EML4: variants seen among roughly 807,000 people sequenced by gnomAD.
EML4 encodes echinoderm microtubule-associated protein-like 4.
In EML4, 72 loss-of-function variants were observed where a neutral mutation model predicts 129.0. That is an observed-to-expected ratio of 0.56 (90% CI 0.46 to 0.68). The LOEUF is 0.68. Ranked by LOEUF, EML4 falls within the 30% of genes least tolerant of loss-of-function variation. The pLI is 0.00. For synonymous variants in EML4, 532 were observed against 405.0 expected, an observed-to-expected ratio of 1.31 and a Z score of -3.77; for missense variants, 1,363 against 1,190.6, an observed-to-expected ratio of 1.14 and a Z score of -2.13.
intron 19 of EML4, among the ~76,000 whole-genome samples, chr2:42,318,675 T>C (rs759499981): frequency 3.1e-4 from 45 of 144,720 alleles, no homozygotes; most frequent in Non-Finnish European, 6.0e-4. Flanking sequence ...CACTGAAGTT[T>C]ACCCTACCAG....
chr2:42,178,533 C>A (rs1670748789), intron 1 of EML4, among the ~76,000 whole-genome samples: 1 of 152,092 alleles, frequency 6.6e-6, no homozygotes, highest in Non-Finnish European at 1.5e-5. Context: ...GCAGAGCGAG[C>A]AGCGAGACCC....
At chr2:42,214,366 C>T (rs1475823431) in intron 1 of EML4, among the ~76,000 whole-genome samples, 3 of 152,150 alleles carry the variant, frequency 2.0e-5, no homozygotes, top group African/African-American at 7.2e-5. Context: ...ATAGGCTAGG[C>T]AGTTATTCCC....
intron 4 of EML4, 47 bp downstream of exon 4, chr2:42,261,341 A>T (rs1318698874): frequency 1.4e-6 from 2 of 1,458,168 alleles, no homozygotes; most frequent in Non-Finnish European, 9.2e-7. Context: ...TTGTAATGAT[A>T]CCTAAATTCT....
intron 2 of EML4, among the ~76,000 whole-genome samples, chr2:42,251,986 A>G (rs1414277044): frequency 1.3e-5 from 2 of 152,228 alleles, no homozygotes; most frequent in South Asian, 4.1e-4. Flanking sequence ...CAAATCAATA[A>G]ATTGTTTGTA....
chr2:42,264,886 A>T (rs2104399336), intron 6 of EML4, 155 bp downstream of exon 6: 2 of 1,548,084 alleles, frequency 1.3e-6, no homozygotes, highest in Non-Finnish European at 1.7e-6. Flanking sequence ...CCCAGTTTTT[A>T]TTGTAAGGTA....
chr2:42,279,031 T>C (rs1026390706), intron 6 of EML4, among the ~76,000 whole-genome samples: 2 of 152,228 alleles, frequency 1.3e-5, no homozygotes, highest in African/African-American at 4.8e-5. Flanking sequence ...TATTGGTTTA[T>C]GTAAATATAA....
chr2:42,294,894 A>C (rs897528815), intron 11 of EML4, among the ~76,000 whole-genome samples: 1 of 152,296 alleles, frequency 6.6e-6, no homozygotes, highest in South Asian at 2.1e-4. Flanking sequence ...GTGTCTTTCT[A>C]ATGCAGCGTT....
intron 8 of EML4, among the ~76,000 whole-genome samples, chr2:42,284,225 T>C (rs1017288001): frequency 6.6e-6 from 1 of 152,202 alleles, no homozygotes; most frequent in African/African-American, 2.4e-5. Context: ...CAAGTCAGCA[T>C]GTATGAGGAT....
At chr2:42,280,342 A>G (rs190447569) in intron 6 of EML4, among the ~76,000 whole-genome samples, 18 of 152,326 alleles carry the variant, frequency 1.2e-4, no homozygotes, top group African/African-American at 3.1e-4. Context: ...TTTCCCTACA[A>G]TGTTTTAGAC....
intron 19 of EML4, chr2:42,325,130 T>C: frequency 2.0e-6 from 1 of 500,646 alleles, no homozygotes; most frequent in Non-Finnish European, 4.0e-6. Context: ...GGAGTCACTC[T>C]CATGGGGACA....
rs546318099 is a variant in EML4, at chr2:42,286,052, A to G, written c.1012-217A>G. Reference sequence around the variant, plus strand: ...GTGTAATACTTAGAATAGTATGTGTAACATAGTAAATACACAAGTTATTTG... The same window carrying G: ...GTGTAATACTTAGAATAGTATGTGTGACATAGTAAATACACAAGTTATTTG... On this transcript the variant is annotated intron_variant, in intron 9 of 22. Coordinates refer to ENST00000318522, the MANE Select transcript of EML4 (RefSeq NM_019063.5). 45 of 608,226 alleles carry G rather than the reference A, an allele frequency of 7.4e-5. No homozygotes were observed. In the East Asian group the frequency reaches 1.2e-3, roughly 16 times the overall value. The allele number at this position is 608,226 out of a possible 1,614,324, so 37.7% of individuals were successfully genotyped here. A position where few individuals can be genotyped will look rare whatever the true frequency, so the allele number is the denominator to read the frequency against.
At chr2:42,314,126 A>C (rs1405859866) in intron 17 of EML4, among the ~76,000 whole-genome samples, 1 of 152,140 alleles carries the variant, frequency 6.6e-6, no homozygotes, top group Non-Finnish European at 1.5e-5. Context: ...TGGGAGCCTG[A>C]GGCGGGCAGA....
At chr2:42,266,857 T>C (rs886811990) in intron 6 of EML4, among the ~76,000 whole-genome samples, 12 of 152,272 alleles carry the variant, frequency 7.9e-5, no homozygotes, top group African/African-American at 2.2e-4. Context: ...TGAAATAATA[T>C]ATATGAAATA....
At chr2:42,315,012 A>T (rs1188251140) in intron 17 of EML4, among the ~76,000 whole-genome samples, 1 of 152,240 alleles carries the variant, frequency 6.6e-6, no homozygotes, top group Non-Finnish European at 1.5e-5. Context: ...TTCCCTGTGC[A>T]AGTGTTGGAG....
intron 1 of EML4, among the ~76,000 whole-genome samples, chr2:42,178,007 A>G (rs1572831232): frequency 6.6e-6 from 1 of 152,198 alleles, no homozygotes; most frequent in Non-Finnish European, 1.5e-5. Flanking sequence ...GAATAGGTGG[A>G]AAGGTTGACA....
At chr2:42,220,042 T>C (rs1019802791) in intron 1 of EML4, among the ~76,000 whole-genome samples, 2 of 152,082 alleles carry the variant, frequency 1.3e-5, no homozygotes, top group Non-Finnish European at 2.9e-5. Flanking sequence ...TGAAGATTTA[T>C]TTTGTTGCTG....
intron 1 of EML4, among the ~76,000 whole-genome samples, chr2:42,208,843 T>C (rs1344521348): frequency 6.6e-6 from 1 of 151,874 alleles, no homozygotes; most frequent in Non-Finnish European, 1.5e-5. Flanking sequence ...AATTTAAAGC[T>C]TGGTAAATTA....
chr2:42,299,149 C>G (rs1668129494), intron 13 of EML4, among the ~76,000 whole-genome samples: 1 of 152,172 alleles, frequency 6.6e-6, no homozygotes, highest in Non-Finnish European at 1.5e-5. Flanking sequence ...TGTTGGAGTT[C>G]TACTTCCAGC....
In EML4 at chr2:42,191,643, T is replaced by G. The variant is rs370483540; in HGVS notation, c.25+22007T>G. Among the ~76,000 whole-genome samples, 5 of 152,354 alleles carry G rather than the reference T, an allele frequency of 3.3e-5. No individual in the cohort carries two copies. The East Asian group carries it at 7.7e-4, about 23-fold the overall frequency. ...CACCCCAAATTGTGTCTGTTGACATTGTTTAATATTGATTTAAAATTATTT... is the reference window on the plus strand; with the variant it reads ...CACCCCAAATTGTGTCTGTTGACATGGTTTAATATTGATTTAAAATTATTT... On this transcript the variant is annotated intron_variant, in intron 1 of 22. Coordinates refer to ENST00000318522, the MANE Select transcript of EML4 (RefSeq NM_019063.5).
Sources: allele counts gnomAD v4.1 joint callset (sites outside exome capture counted in the v4.1 genomes callset), GRCh38; gene constraint gnomAD v4.1.1; transcripts MANE v1.5; gene names NCBI Gene and HGNC (gene_info 2026-07-23, HGNC 2026-07-21).